Variants in POT1 observed in about 807,000 individuals in gnomAD.
POT1 encodes the protein protection of telomeres protein 1.
A neutral mutation model predicts 78.5 loss-of-function variants in POT1; 47 were observed. That is an observed-to-expected ratio of 0.60 (90% CI 0.47 to 0.76). The LOEUF is 0.76. POT1 is among the 30% of genes least tolerant of loss of function. The pLI is 0.00. For synonymous variants in POT1, 259 were observed against 260.7 expected, an observed-to-expected ratio of 0.99 and a Z score of 0.06; for missense variants, 646 against 749.9, an observed-to-expected ratio of 0.86 and a Z score of 1.62.
intron 3 of POT1, among the ~76,000 whole-genome samples, chr7:124,908,073 G>A (rs1446771755): frequency 6.6e-6 from 1 of 151,850 alleles, no homozygotes; most frequent in Non-Finnish European, 1.5e-5. Flanking sequence ...GGCAAGAAAA[G>A]GGCATTGAAA....
intron 6 of POT1, among the ~76,000 whole-genome samples, chr7:124,887,180 A>G (rs924622403): frequency 7.4e-4 from 112 of 152,104 alleles, no homozygotes; most frequent in African/African-American, 2.6e-3. Context: ...GAACAGTATG[A>G]TGGGGTGGGG....
intron 7 of POT1, 97 bp downstream of exon 7, chr7:124,870,814 C>G: frequency 9.6e-7 from 1 of 1,039,296 alleles, no homozygotes; most frequent in Middle Eastern, 3.6e-4. Flanking sequence ...CTGTCATGTT[C>G]TAACAAAGCA....
intron 3 of POT1, among the ~76,000 whole-genome samples, chr7:124,910,082 T>C (rs903532460): frequency 1.3e-5 from 2 of 151,796 alleles, no homozygotes; most frequent in Non-Finnish European, 2.9e-5. Context: ...TGTGCACATA[T>C]ATAGACACAC....
intron 9 of POT1, among the ~76,000 whole-genome samples, chr7:124,855,341 A>T (rs1167221384): frequency 6.6e-6 from 1 of 151,830 alleles, no homozygotes; most frequent in Admixed American, 6.6e-5. Flanking sequence ...CATTTAAAAA[A>T]TAAGGTGAAC....
intron 6 of POT1, among the ~76,000 whole-genome samples, chr7:124,890,088 C>G (rs1796333994): frequency 6.6e-6 from 1 of 151,896 alleles, no homozygotes; most frequent in Non-Finnish European, 1.5e-5. Context: ...TAGATGACAT[C>G]AAGAACATGC....
intron 5 of POT1, among the ~76,000 whole-genome samples, chr7:124,893,905 T>C (rs1000597491): frequency 6.6e-6 from 1 of 151,572 alleles, no homozygotes; most frequent in African/African-American, 2.4e-5. Flanking sequence ...TCTCAAAAAT[T>C]TGATTTCACA....
At chr7:124,849,381 G>C (rs928492150) in intron 11 of POT1, among the ~76,000 whole-genome samples, 5 of 152,118 alleles carry the variant, frequency 3.3e-5, no homozygotes, top group African/African-American at 1.2e-4. Flanking sequence ...AAAAACGTTT[G>C]TAAATATATA....
chr7:124,848,876 T>C (rs1172808656), intron 11 of POT1, among the ~76,000 whole-genome samples: 1 of 152,084 alleles, frequency 6.6e-6, no homozygotes, highest in Non-Finnish European at 1.5e-5. Context: ...AGTAAACTTA[T>C]GAAATTTAAT....
intron 8 of POT1, among the ~76,000 whole-genome samples, chr7:124,859,316 G>C (rs950792998): frequency 1.3e-5 from 2 of 152,008 alleles, no homozygotes; most frequent in Non-Finnish European, 2.9e-5. Flanking sequence ...GAATGTAAAG[G>C]AGAAAAAGAG....
chr7:124,880,808 A>G (rs1796099625), intron 6 of POT1, among the ~76,000 whole-genome samples: 1 of 98,362 alleles, frequency 1.0e-5, no homozygotes, highest in African/African-American at 4.1e-5. Context: ...GCAAAAACCT[A>G]AACAATTTTA....
intron 6 of POT1, among the ~76,000 whole-genome samples, chr7:124,885,475 T>TA (rs1034818007): frequency 1.3e-5 from 2 of 150,602 alleles, no homozygotes; most frequent in African/African-American, 2.4e-5. Flanking sequence ...CTGTCTCTCT[T>TA]AAAAAAATAG....
chr7:124,871,107 T>C (rs1156500528), intron 6 of POT1, 66 bp from the exon 7 acceptor site: 4 of 1,366,876 alleles, frequency 2.9e-6, no homozygotes, highest in Non-Finnish European at 4.0e-6. Flanking sequence ...AATAAGAATA[T>C]GCTTACTTCA....
At chr7:124,911,106 T>G (rs1796879152) in intron 3 of POT1, among the ~76,000 whole-genome samples, 1 of 152,126 alleles carries the variant, frequency 6.6e-6, no homozygotes, top group Non-Finnish European at 1.5e-5. Flanking sequence ...CTACCAACAC[T>G]GAATTCTTAA....
At chr7:124,915,873 T>A (rs1797003515) in intron 2 of POT1, among the ~76,000 whole-genome samples, 1 of 152,158 alleles carries the variant, frequency 6.6e-6, no homozygotes, top group African/African-American at 2.4e-5. Flanking sequence ...TCCTAAGTAA[T>A]CCTATTAGTT....
At chr7:124,848,673 A>G in intron 11 of POT1, 2 of 180,132 alleles carry the variant, frequency 1.1e-5, no homozygotes, top group South Asian at 9.5e-5. Flanking sequence ...AAAAGAAAAA[A>G]AAAAAAAAAA....
At chr7:124,880,713 C>T (rs66979057) in intron 6 of POT1, among the ~76,000 whole-genome samples, 6,689 of 152,014 alleles carry the variant, frequency 0.044, 367 homozygotes, top group African/African-American at 0.12. Context: ...GACCCACTAT[C>T]GAGATCTTTA....
Position 124,905,641 on chromosome 7 carries a change from C to G in POT1, c.-153-7267G>C, listed in dbSNP as rs145445920. 7.2e-3 allele frequency among the ~76,000 whole-genome samples: 1,101 copies of G among 152,230 alleles called. 14 individuals are homozygous for G. Among genetic ancestry groups the G allele is most frequent in the African/African-American group, 0.025 (1,019 of 41,536 alleles). ...AAAAGCCAAAATTGACAAACGGGATCTAATTAAACTAAAGAGCTTCTGCAC... is the reference window on the plus strand; with the variant it reads ...AAAAGCCAAAATTGACAAACGGGATGTAATTAAACTAAAGAGCTTCTGCAC... On this transcript the variant is annotated intron_variant, in intron 3 of 18. Coordinates refer to ENST00000357628, the MANE Select transcript of POT1 (RefSeq NM_015450.3).
At chr7:124,841,278 G>T in intron 13 of POT1, 100 bp from the exon 14 acceptor site, 1 of 847,662 alleles carries the variant, frequency 1.2e-6, no homozygotes, top group Non-Finnish European at 1.9e-6. Context: ...ATTCTTACAT[G>T]TAGATGAGTC....
intron 2 of POT1, among the ~76,000 whole-genome samples, chr7:124,921,112 G>GA (rs1408938773): frequency 6.6e-6 from 1 of 151,692 alleles, no homozygotes; most frequent in Non-Finnish European, 1.5e-5. Context: ...AAACAAATAA[G>GA]AAAATGTTGA....
Sources: gnomAD v4.1 joint callset for allele counts (sites outside exome capture counted in the v4.1 genomes callset) on GRCh38, gnomAD v4.1.1 for gene constraint, MANE v1.5 for transcripts, NCBI Gene and HGNC (gene_info 2026-07-23, HGNC 2026-07-21) for gene names.